Variants in DPP10 observed in about 807,000 individuals in gnomAD.
DPP10 encodes dipeptidyl peptidase like 10, also known as inactive dipeptidyl peptidase 10.
Under a neutral mutation model 120.9 loss-of-function variants are expected in DPP10, and 33 were observed. That is an observed-to-expected ratio of 0.27 (90% CI 0.21 to 0.37). The LOEUF (loss-of-function observed/expected upper bound fraction) is 0.37, where lower values mean the gene tolerates loss of function less well. DPP10 is among the 10% of genes least tolerant of loss of function. DPP10 has a pLI of 1.00. For missense variants in DPP10, 816 were observed against 942.8 expected, an observed-to-expected ratio of 0.87 and a Z score of 1.76; for synonymous variants, 337 against 326.1, an observed-to-expected ratio of 1.03 and a Z score of -0.36.
intron 7 of DPP10, among the ~76,000 whole-genome samples, chr2:115,701,645 T>A (rs939800210): frequency 1.3e-5 from 2 of 152,044 alleles, no homozygotes; most frequent in African/African-American, 4.8e-5. Context: ...AAGAACACTA[T>A]CATTGGAGTA....
At chr2:115,244,296 G>A (rs941133365) in intron 1 of DPP10, among the ~76,000 whole-genome samples, 4 of 145,370 alleles carry the variant, frequency 2.8e-5, no homozygotes, top group African/African-American at 1.0e-4. Flanking sequence ...ATATATGAAT[G>A]ATATGAATGT....
At chr2:115,062,761 G>A (rs1706522088) in intron 1 of DPP10, among the ~76,000 whole-genome samples, 1 of 152,150 alleles carries the variant, frequency 6.6e-6, no homozygotes, top group African/African-American at 2.4e-5. Context: ...TGGTGTATAT[G>A]TACCACATTT....
At chr2:114,520,070 C>T (rs970434377) in intron 1 of DPP10, among the ~76,000 whole-genome samples, 2 of 152,212 alleles carry the variant, frequency 1.3e-5, no homozygotes, top group Admixed American at 6.5e-5. Context: ...AAATCAATCT[C>T]ATCAGTAGCT....
At chr2:115,811,675 G>C (rs993752277) in intron 19 of DPP10, among the ~76,000 whole-genome samples, 1 of 152,128 alleles carries the variant, frequency 6.6e-6, no homozygotes, top group African/African-American at 2.4e-5. Context: ...GTTTATAAAG[G>C]TGAACAATCC....
At chr2:114,690,062 G>T (rs1699634567) in intron 1 of DPP10, among the ~76,000 whole-genome samples, 1 of 151,920 alleles carries the variant, frequency 6.6e-6, no homozygotes, top group Non-Finnish European at 1.5e-5. Flanking sequence ...AGTTTCTTTT[G>T]CTGTGAAGAT....
chr2:115,642,865 A>T (rs934600872), intron 5 of DPP10, among the ~76,000 whole-genome samples: 1 of 152,062 alleles, frequency 6.6e-6, no homozygotes, highest in Non-Finnish European at 1.5e-5. Context: ...ATAGAGAGAG[A>T]TTTAAAATAT....
chr2:115,043,765 C>T (rs1211856203), intron 1 of DPP10, among the ~76,000 whole-genome samples: 1 of 152,094 alleles, frequency 6.6e-6, no homozygotes, highest in Non-Finnish European at 1.5e-5. Context: ...TCATTTGAAA[C>T]TTTGAGTCTC....
intron 3 of DPP10, among the ~76,000 whole-genome samples, chr2:115,383,785 A>G (rs1386740627): frequency 6.6e-6 from 1 of 152,208 alleles, no homozygotes; most frequent in African/African-American, 2.4e-5. Context: ...GATTTTGAGC[A>G]TAATAAAATA....
intron 4 of DPP10, among the ~76,000 whole-genome samples, chr2:115,519,441 T>C (rs2077679054): frequency 6.6e-6 from 1 of 152,176 alleles, no homozygotes; most frequent in African/African-American, 2.4e-5. Context: ...AGAGAGCATC[T>C]ATTATGTTTA....
chr2:115,505,310 A>T (rs2076883508), intron 4 of DPP10, among the ~76,000 whole-genome samples: 1 of 152,120 alleles, frequency 6.6e-6, no homozygotes. Flanking sequence ...TACAATTATG[A>T]CAAAAATTAA....
At chr2:115,779,267 G>A (rs1682471466) in intron 15 of DPP10, among the ~76,000 whole-genome samples, 1 of 152,060 alleles carries the variant, frequency 6.6e-6, no homozygotes, top group Admixed American at 6.6e-5. Context: ...ATGTACTAGT[G>A]TAGTCGACAG....
intron 1 of DPP10, among the ~76,000 whole-genome samples, chr2:114,672,223 A>G (rs1698390093): frequency 6.6e-6 from 1 of 152,078 alleles, no homozygotes; most frequent in Non-Finnish European, 1.5e-5. Flanking sequence ...CTGTGATTTC[A>G]GTTTAATACA....
intron 1 of DPP10, among the ~76,000 whole-genome samples, chr2:114,475,191 C>T (rs1680270541): frequency 6.6e-6 from 1 of 152,172 alleles, no homozygotes. Flanking sequence ...TTCTCTGTTG[C>T]ACTCCCAGAT....
At chr2:115,765,742 G>A (rs1680629624) in intron 12 of DPP10, among the ~76,000 whole-genome samples, 1 of 152,064 alleles carries the variant, frequency 6.6e-6, no homozygotes, top group Non-Finnish European at 1.5e-5. Flanking sequence ...AGCAGGTGAT[G>A]GAACAAATAG....
At chr2:115,117,532 C>T (rs1573675964) in intron 1 of DPP10, among the ~76,000 whole-genome samples, 2 of 152,256 alleles carry the variant, frequency 1.3e-5, no homozygotes, top group East Asian at 3.9e-4. Context: ...CACTTGAGTC[C>T]AGGATTTCAA....
chr2:115,058,560 C>A (rs1437804976), intron 1 of DPP10, among the ~76,000 whole-genome samples: 1 of 152,110 alleles, frequency 6.6e-6, no homozygotes, highest in Admixed American at 6.5e-5. Context: ...CCACCACGCC[C>A]GGCTAATTTT....
intron 1 of DPP10, among the ~76,000 whole-genome samples, chr2:114,970,046 G>A (rs996852642): frequency 1.3e-5 from 2 of 152,020 alleles, no homozygotes; most frequent in African/African-American, 4.8e-5. Flanking sequence ...CCTAGGTATG[G>A]TTGAATGTCT....
At chr2:114,567,028 C>G (rs1689256274) in intron 1 of DPP10, among the ~76,000 whole-genome samples, 1 of 152,168 alleles carries the variant, frequency 6.6e-6, no homozygotes, top group African/African-American at 2.4e-5. Context: ...CAGCACAACC[C>G]TTGCCTCTGA....
At chr2:115,809,879 T>C (rs1686431290) in intron 19 of DPP10, among the ~76,000 whole-genome samples, 1 of 152,154 alleles carries the variant, frequency 6.6e-6, no homozygotes, top group African/African-American at 2.4e-5. Flanking sequence ...AAAATGTACT[T>C]TTAATGGGGT....
Sources: allele counts gnomAD v4.1 joint callset (sites outside exome capture counted in the v4.1 genomes callset), GRCh38; gene constraint gnomAD v4.1.1; transcripts MANE v1.5; gene names NCBI Gene and HGNC (gene_info 2026-07-23, HGNC 2026-07-21).